MSH6: variants seen among roughly 807,000 people sequenced by gnomAD.
The protein encoded by MSH6 is mutS homolog 6, also known as DNA mismatch repair protein Msh6.
In MSH6, 85 loss-of-function variants were observed where a neutral mutation model predicts 119.1. The observed-to-expected ratio is 0.71, with a 90% confidence interval of 0.60 to 0.85. The LOEUF (loss-of-function observed/expected upper bound fraction) is 0.85. MSH6 is among the 40% of genes least tolerant of loss of function. The probability of loss-of-function intolerance (pLI) is 0.00; values close to 1 mark genes in which losing one functional copy is unlikely to be tolerated. For synonymous variants in MSH6, 830 were observed against 586.9 expected (o/e 1.41, Z -5.99); for missense variants, 2,163 against 1,655.3 (o/e 1.31, Z -5.32).
At chr2:47,788,946 T>TTTTTTTTTTTTTTTTTTTTTTTTG (rs1553409740) in intron 1 of MSH6, among the ~76,000 whole-genome samples, 2 of 115,752 alleles carry the variant, frequency 1.7e-5, no homozygotes, top group Non-Finnish European at 3.5e-5. Context: ...TTTTTTTTTT[T>TTTTTTTTTTTTTTTTTTTTTTTTG]TGTGAGACGG....
At chr2:47,783,719 G>C in intron 1 of MSH6, 1 of 502,684 alleles carries the variant, frequency 2.0e-6, no homozygotes, top group Non-Finnish European at 3.2e-6. Flanking sequence ...GCAGGAAGAG[G>C]GCTGCAGGGG....
chr2:47,799,068 C>G lies in MSH6; in HGVS notation c.1085C>G (p.Pro362Arg), dbSNP rs759359754. 1.2e-6 allele frequency: 2 copies of G among 1,614,090 alleles called. No individual in the cohort carries two copies. The highest frequency in any genetic ancestry group is 1.1e-5 in the South Asian group (1 of 91,080). ...VSGGGDDSSR[P>R]TVWYHETLEW... ...GGAGGTGGTGATGACAGTAGTCGCC[C>G]TACTGTTTGGTATCATGAAACTTTA... The change falls in exon 4 of 10, where the codon CCT becomes CGT. Residue 362 changes from proline (P) to arginine (R), a missense_variant. Physicochemically the swap from Pro to Arg is moderately radical, Grantham distance 103. Coordinates refer to ENST00000234420, the MANE Select transcript of MSH6 (RefSeq NM_000179.3).
At chr2:47,789,773 A>C (rs1668617952) in intron 1 of MSH6, among the ~76,000 whole-genome samples, 3 of 152,142 alleles carry the variant, frequency 2.0e-5, no homozygotes, top group Non-Finnish European at 4.4e-5. Flanking sequence ...TACCTAATAG[A>C]ATGTAAATGC....
chr2:47,809,710 GAAGTA>G (rs769185982), downstream of MSH6: 2 of 1,601,588 alleles, frequency 1.2e-6, no homozygotes, highest in African/African-American at 2.7e-5. Context: ...TTCAATACCT[GAAGTA>G]AAATTTACAA....
At chr2:47,797,944 T>G (rs904459862) in intron 3 of MSH6, 1 of 205,954 alleles carries the variant, frequency 4.9e-6, no homozygotes, top group Non-Finnish European at 1.0e-5. Context: ...TTTTTTATAG[T>G]TTTAGTCTTT....
downstream of MSH6, chr2:47,807,917 A>G: frequency 5.6e-6 from 3 of 531,102 alleles, no homozygotes; most frequent in South Asian, 7.3e-5. Flanking sequence ...TAATGCTAAA[A>G]CACCCAGCTT....
chr2:47,802,769 T>A (rs1356999478), intron 4 of MSH6, among the ~76,000 whole-genome samples: 2 of 152,068 alleles, frequency 1.3e-5, no homozygotes, highest in Admixed American at 1.3e-4. Flanking sequence ...GTGCTGCATT[T>A]GGTTACTGGG....
chr2:47,794,419 G>C (rs1668945308), intron 2 of MSH6, among the ~76,000 whole-genome samples: 1 of 151,734 alleles, frequency 6.6e-6, no homozygotes, highest in African/African-American at 2.4e-5. Flanking sequence ...CTACAGGTGT[G>C]CACCACCACA....
chr2:47,798,335 A>G (rs973681122), intron 3 of MSH6, among the ~76,000 whole-genome samples: 7 of 152,180 alleles, frequency 4.6e-5, no homozygotes, highest in Non-Finnish European at 7.4e-5. Flanking sequence ...CACCTACCCC[A>G]CCGAATATTG....
chr2:47,808,072 A>C (rs564320880), downstream of MSH6: 51 of 1,520,538 alleles, frequency 3.4e-5, no homozygotes, highest in Non-Finnish European at 4.5e-5. Context: ...AAAGTGTTTT[A>C]AGTTATGATG....
At chr2:47,809,048 A>G (rs114304626), downstream of MSH6, 376 of 621,682 alleles carry the variant, frequency 6.0e-4, 1 homozygote, top group African/African-American at 6.8e-3. Flanking sequence ...TAAAATTTTC[A>G]GTTAGTTATA....
chr2:47,799,604 A>G lies in MSH6; in HGVS notation c.1621A>G (p.Ser541Gly), dbSNP rs587779778. Residue 541 changes from serine (S) to glycine (G), a missense_variant, in exon 4 of 10, where the codon AGC (serine) becomes GGC (glycine). Ser to Gly is a moderately conservative substitution (Grantham distance 56). Transcript: ENST00000234420. ...PSENYSKYLL[S>G]LKEKEEDSSG... The stretch of plus-strand genomic sequence containing the variant: ...TGAGAACTACAGTAAGTATCTTCTT[A>G]GCCTCAAAGAAAAAGAGGAAGATTC... 7 of 1,614,190 alleles carry G rather than the reference A, an allele frequency of 4.3e-6. No individual in the cohort carries two copies. In the South Asian group the frequency reaches 5.5e-5, roughly 13 times the overall value.
downstream of MSH6, chr2:47,807,110 A>G (rs1265203755): frequency 2.1e-5 from 10 of 486,344 alleles, no homozygotes; most frequent in Non-Finnish European, 2.9e-5. Flanking sequence ...ACCAATACAC[A>G]TAAATGGGGG....
At position 47,791,208 on chromosome 2, in the gene MSH6, T is replaced by C. The variant is rs1553410420; in HGVS notation, c.457+85T>C. The C allele has an allele frequency of 4.3e-5, 56 of 1,311,310 alleles. No individual in the cohort carries two copies. In the South Asian group the frequency reaches 6.6e-4, roughly 15 times the overall value. 81.2% of individuals were successfully genotyped at this position (1,311,310 alleles called of 1,614,324 possible). A position where few individuals can be genotyped will look rare whatever the true frequency, so the allele number is the denominator to read the frequency against. On this transcript the variant is annotated intron_variant, in intron 2 of 9. Coordinates refer to ENST00000234420, the MANE Select transcript of MSH6 (RefSeq NM_000179.3). The stretch of plus-strand genomic sequence containing the variant: ...ACAGACAGACAGGCAGACTTTTTTC[T>C]ATATGATGAAATTAAGTGTATTTTA...
chr2:47,792,812 G>A (rs1016444125), intron 2 of MSH6, among the ~76,000 whole-genome samples: 1 of 150,584 alleles, frequency 6.6e-6, no homozygotes. Context: ...GGGACTAGAG[G>A]TGTCTGCCAC....
At chr2:47,792,846 GTTT>G (rs11335797) in intron 2 of MSH6, among the ~76,000 whole-genome samples, 9,204 of 114,394 alleles carry the variant, frequency 0.08, 417 homozygotes, top group Non-Finnish European at 0.12. Flanking sequence ...TTTTTATATA[GTTT>G]TTTTTTTTTT....
chr2:47,799,059 G>A lies in MSH6; in HGVS notation c.1076G>A (p.Ser359Asn), dbSNP rs1278591662. The A allele has an allele frequency of 1.2e-6, 2 of 1,614,190 alleles. No homozygotes were observed. The highest frequency in any genetic ancestry group is 8.5e-7 in the Non-Finnish European group (1 of 1,180,034). The change falls in exon 4 of 10, where the codon AGT becomes AAT. Residue 359 changes from serine to asparagine, a missense_variant. Coordinates refer to ENST00000234420, the MANE Select transcript of MSH6 (RefSeq NM_000179.3). ...CACGTTAGTGGAGGTGGTGATGACA[G>A]TAGTCGCCCTACTGTTTGGTATCAT... The part of the protein sequence containing the change: ...QAHVSGGGDD[S>N]SRPTVWYHET...
At chr2:47,809,320 A>C, downstream of MSH6, 1 of 1,178,156 alleles carries the variant, frequency 8.5e-7, no homozygotes, top group Non-Finnish European at 1.2e-6. Flanking sequence ...ATATTTTAAA[A>C]ACCAAAGATT....
At position 47,796,077 on chromosome 2, in the gene MSH6, A is replaced by C. The variant is rs748977698; in HGVS notation, c.627+14A>C. Reference sequence around the variant, plus strand: ...GAAGAGATGGAGGTGGGACACGGCAAGCATTCAGTTGTTATTTATGTTAGG... The same window carrying C: ...GAAGAGATGGAGGTGGGACACGGCACGCATTCAGTTGTTATTTATGTTAGG... On this transcript the variant is annotated intron_variant, in intron 3 of 9. Transcript: ENST00000234420. 1 of 1,613,948 alleles carries C rather than the reference A, an allele frequency of 6.2e-7. No homozygotes were observed. Among genetic ancestry groups the C allele is most frequent in the African/African-American group, 1.3e-5 (1 of 75,034 alleles).
Sources: gnomAD v4.1 joint callset for allele counts (sites outside exome capture counted in the v4.1 genomes callset) on GRCh38, gnomAD v4.1.1 for gene constraint, MANE v1.5 for transcripts, NCBI Gene and HGNC (gene_info 2026-07-23, HGNC 2026-07-21) for gene names.